The following FRG2C variants were observed in gnomAD, a reference collection of about 807,000 sequenced individuals.
The protein encoded by FRG2C is FSHD region gene 2 family member C, also known as protein FRG2-like-2.
A neutral mutation model predicts 14.1 loss-of-function variants in FRG2C; 8 were observed. The ratio of observed to expected loss-of-function variants is 0.57; its 90% CI spans 0.33 to 1.02. FRG2C has a LOEUF of 1.02. Among genes scored for constraint, FRG2C ranks in the 50% least tolerant of loss-of-function variants. The pLI, the probability that FRG2C is intolerant of heterozygous loss-of-function variation, is 0.03. For missense variants in FRG2C, 214 were observed against 334.2 expected (o/e 0.64, Z 2.80); for synonymous variants, 92 against 127.4 (o/e 0.72, Z 1.87).
In FRG2C at chr3:75,665,539, A is replaced by T; in HGVS notation, c.347A>T (p.Glu116Val). 4.3e-6 allele frequency: 7 copies of T among 1,613,784 alleles called. No individual in the cohort carries two copies. The highest frequency in any genetic ancestry group is 5.9e-6 in the Non-Finnish European group (7 of 1,179,740). ...ICQDRAGNCP[E>V]EECNLTLNKK... ...GCTTTCTTTGCAGGGAACTGTCCAG[A>T]AGAGGAGTGCAACTTGACGTTGAAT... Residue 116 changes from glutamate to valine, a missense_variant, in exon 4 of 4, where the codon GAA (glutamate) becomes GTA (valine). Around this residue, in one of 3 missense-constraint regions of FRG2C, gnomAD observed 136 missense variants for 148.1 expected, o/e 0.92. Transcript: ENST00000308062.
rs1293157166 is a variant in FRG2C at position 75,666,806 on chromosome 3, A to G, written c.*765A>G. ...ACATTTTTACAGTTTGCATAGTAAAATTACTATGCAAGCTGTTTACTTTTA... is the reference window on the plus strand; with the variant it reads ...ACATTTTTACAGTTTGCATAGTAAAGTTACTATGCAAGCTGTTTACTTTTA... On this transcript the variant is annotated 3_prime_UTR_variant, in exon 4 of 4. Transcript: ENST00000308062. 1 of 152,312 alleles carries G rather than the reference A, an allele frequency of 6.6e-6. No individual in the cohort carries two copies. Among genetic ancestry groups the G allele is most frequent in the Non-Finnish European group, 1.5e-5 (1 of 68,058 alleles). The allele number at this position is 152,312 out of a possible 1,614,324, so 9.4% of individuals were successfully genotyped here.
Position 75,665,150 on chromosome 3 carries a change from A to T in FRG2C, c.281A>T (p.Glu94Val). The part of the protein sequence containing the change: ...GSEPESSSYQ[E>V]NCRKRKISSK... ...GAACCAGAGTCCAGCTCATATCAGG[A>T]AAACTGCAGGAAAAGAAAAATCAGT... The change falls in exon 3 of 4, where the codon GAA becomes GTA. Residue 94 changes from glutamate to valine, a missense_variant. By Grantham distance (121) the Glu-to-Val change is moderately radical. This residue lies in a region of FRG2C where 136 missense variants were observed against 148.1 expected (regional missense o/e 0.92). Transcript: ENST00000308062. The T allele has an allele frequency of 1.2e-6, 2 of 1,614,090 alleles. No homozygotes were observed. Among genetic ancestry groups the T allele is most frequent in the Non-Finnish European group, 8.5e-7 (1 of 1,179,940 alleles).
Position 75,665,112 on chromosome 3 carries a change from C to G in FRG2C, c.257-14C>G, listed in dbSNP as rs76698561. 3.3e-6 allele frequency: 5 copies of G among 1,514,024 alleles called. No individual in the cohort carries two copies. The African/African-American group carries it at 6.4e-5, about 19-fold the overall frequency. The allele number at this position is 1,514,024 out of a possible 1,614,324, so 93.8% of individuals were successfully genotyped here. ...AGTTGGAGGCACTTTCTCAAACTCT[C>G]ATTGTGTTCACAGAACCAGAGTCCA... On this transcript the variant is annotated splice_polypyrimidine_tract_variant and intron_variant, in intron 2 of 3. Coordinates refer to ENST00000308062, the MANE Select transcript of FRG2C (RefSeq NM_001124759.5).
chr3:75,664,339 T>C lies in FRG2C; in HGVS notation c.-41T>C. On this transcript the variant is annotated 5_prime_UTR_variant, in exon 1 of 4. Coordinates refer to ENST00000308062, the MANE Select transcript of FRG2C (RefSeq NM_001124759.5). ...TAGCAGACTAACCCACACTCTGCCT[T>C]TGGACATGTGAGAGAGCGCACCTTT... 6.2e-7 allele frequency: 1 copy of C among 1,612,068 alleles called. No homozygotes were observed. Among genetic ancestry groups the C allele is most frequent in the Non-Finnish European group, 8.5e-7 (1 of 1,179,866 alleles).
chr3:75,664,976 G>A lies in FRG2C; in HGVS notation c.256+80G>A, dbSNP rs80018434. The A allele has an allele frequency of 3.1e-6, 5 of 1,612,482 alleles. No individual in the cohort carries two copies. In the African/African-American group the frequency reaches 6.7e-5, roughly 22 times the overall value. On this transcript the variant is annotated intron_variant, in intron 2 of 3. Transcript: ENST00000308062. The stretch of plus-strand genomic sequence containing the variant: ...CTGGCAAGGAAACTGGGAGCTCCTT[G>A]GCAGCCAGGGCAGTACAGATCCTGG...
Position 75,664,821 on chromosome 3 carries a change from G to C in FRG2C, c.181G>C (p.Gly61Arg). The change falls in exon 2 of 4, where the codon GGA becomes CGA. Residue 61 changes from glycine to arginine, a missense_variant and splice_region_variant. Physicochemically the swap from Gly to Arg is moderately radical, Grantham distance 125 (BLOSUM62 -2). Coordinates refer to ENST00000308062, the MANE Select transcript of FRG2C (RefSeq NM_001124759.5). Reference sequence around the variant, plus strand: ...GCCATCTAAACCTTCTCTTGCAGCAGGATCAGATCCCAATCCAAACAAGGA... The same window carrying C: ...GCCATCTAAACCTTCTCTTGCAGCACGATCAGATCCCAATCCAAACAAGGA... ...SSEKHTQRQA[G>R]SDPNPNKENS... 1.9e-6 allele frequency: 3 copies of C among 1,614,220 alleles called. No homozygotes were observed. The highest frequency in any genetic ancestry group is 2.2e-5 in the East Asian group (1 of 44,886).
At chr3:75,665,474 A>G in intron 3 of FRG2C, 53 bp from the exon 4 acceptor site, 2 of 1,575,264 alleles carry the variant, frequency 1.3e-6, no homozygotes, top group South Asian at 2.4e-5. Context: ...GGTTCTGGAA[A>G]TGAGGGTCTG....
Position 75,667,125 on chromosome 3 carries a change from C to T in FRG2C, c.*1084C>T, listed in dbSNP as rs1188081351. On this transcript the variant is annotated 3_prime_UTR_variant, in exon 4 of 4. Coordinates refer to ENST00000308062, the MANE Select transcript of FRG2C (RefSeq NM_001124759.5). ...ACTTGTTTGGTTGCTTTATAATTTT[C>T]ATTTTATGTAATAATGAAATAAACA... 2 of 152,286 alleles carry T rather than the reference C, an allele frequency of 1.3e-5. No individual in the cohort carries two copies. Among genetic ancestry groups the T allele is most frequent in the Non-Finnish European group, 2.9e-5 (2 of 68,038 alleles). 9.4% of individuals were successfully genotyped at this position (152,286 alleles called of 1,614,324 possible).
rs1937122788 is a variant in FRG2C at position 75,666,907 on chromosome 3, T to C, written c.*866T>C. 6.6e-6 allele frequency: 1 copy of C among 152,342 alleles called. No individual in the cohort carries two copies. The highest frequency in any genetic ancestry group is 6.5e-5 in the Admixed American group (1 of 15,294). The allele number at this position is 152,342 out of a possible 1,614,324, so 9.4% of individuals were successfully genotyped here. On this transcript the variant is annotated 3_prime_UTR_variant, in exon 4 of 4. Transcript: ENST00000308062. The stretch of plus-strand genomic sequence containing the variant: ...TACTTATTTATTCATCTGCCTCATG[T>C]TTTATTTCATTTTAAACATCCTGAA...
rs1312550327 is a variant in FRG2C, at chr3:75,667,104, G to A, written c.*1063G>A. On this transcript the variant is annotated 3_prime_UTR_variant, in exon 4 of 4. Transcript: ENST00000308062. ...CATTATCTAAGTGTATTAATGACTT[G>A]TTTGGTTGCTTTATAATTTTCATTT... 6.6e-6 allele frequency: 1 copy of A among 152,298 alleles called. No individual in the cohort carries two copies. Among genetic ancestry groups the A allele is most frequent in the Non-Finnish European group, 1.5e-5 (1 of 68,054 alleles). The allele number at this position is 152,298 out of a possible 1,614,324, so 9.4% of individuals were successfully genotyped here.
In FRG2C at chr3:75,665,854, A is replaced by C. The variant is rs1490846531; in HGVS notation, c.662A>C (p.Gln221Pro). ...CGGCTCCGGGGGCCTCTGTGTGCCCAGGTGCAGACCTTGTATTCCATGGCC... is the reference window on the plus strand; with the variant it reads ...CGGCTCCGGGGGCCTCTGTGTGCCCCGGTGCAGACCTTGTATTCCATGGCC... ...LTRLRGPLCAQVQTLYSMATQ... is the reference protein window; with the variant it reads ...LTRLRGPLCAPVQTLYSMATQ... Residue 221 changes from glutamine (Q) to proline (P), a missense_variant, in exon 4 of 4, where the codon CAG (glutamine) becomes CCG (proline). Gln to Pro is a moderately conservative substitution (Grantham distance 76). Around this residue, in one of 3 missense-constraint regions of FRG2C, gnomAD observed 55 missense variants for 118.9 expected, o/e 0.46. Coordinates refer to ENST00000308062, the MANE Select transcript of FRG2C (RefSeq NM_001124759.5). 1 of 1,613,982 alleles carries C rather than the reference A, an allele frequency of 6.2e-7. No homozygotes were observed. Among genetic ancestry groups the C allele is most frequent in the Non-Finnish European group, 8.5e-7 (1 of 1,179,900 alleles).
intron 1 of FRG2C, 78 bp downstream of exon 1, chr3:75,664,635 G>A (rs1937035163): frequency 6.2e-7 from 1 of 1,612,886 alleles, no homozygotes; most frequent in Non-Finnish European, 8.5e-7. Flanking sequence ...TCTTTAGCAG[G>A]GTTTTATTTT....
chr3:75,664,830 C>T lies in FRG2C; in HGVS notation c.190C>T (p.Pro64Ser), dbSNP rs1937042573. ...ACCTTCTCTTGCAGCAGGATCAGAT[C>T]CCAATCCAAACAAGGAGAATTCTGA... is the stretch of plus-strand genomic sequence containing the variant. ...KHTQRQAGSD[P>S]NPNKENSEET... Residue 64 changes from proline to serine, a missense_variant, in exon 2 of 4, where the codon CCC (proline) becomes TCC (serine). Coordinates refer to ENST00000308062, the MANE Select transcript of FRG2C (RefSeq NM_001124759.5). The T allele has an allele frequency of 6.2e-7, 1 of 1,614,218 alleles. No individual in the cohort carries two copies. Among genetic ancestry groups the T allele is most frequent in the Non-Finnish European group, 8.5e-7 (1 of 1,180,028 alleles).
chr3:75,665,438 A>C, intron 3 of FRG2C, 89 bp from the exon 4 acceptor site: 1 of 1,548,900 alleles, frequency 6.5e-7, no homozygotes. Context: ...GGGAGAGACA[A>C]ATGGGGTTCA....
At chr3:75,665,244 T>C in intron 3 of FRG2C, 41 bp downstream of exon 3, 1 of 1,581,816 alleles carries the variant, frequency 6.3e-7, no homozygotes, top group Admixed American at 1.7e-5. Flanking sequence ...GTGGTGGTGG[T>C]TTTTTTGTTT....
chr3:75,666,344 T>C lies in FRG2C; in HGVS notation c.*303T>C. On this transcript the variant is annotated 3_prime_UTR_variant, in exon 4 of 4. Transcript: ENST00000308062. ...AAATATTAGGTTGCAATCGTGAATT[T>C]TCATATTTTAGATTGTAGAAAAGTA... 1 of 554,700 alleles carries C rather than the reference T, an allele frequency of 1.8e-6. No individual in the cohort carries two copies. The highest frequency in any genetic ancestry group is 3.1e-6 in the Non-Finnish European group (1 of 321,226). The allele number at this position is 554,700 out of a possible 1,614,324, so 34.4% of individuals were successfully genotyped here. A position where few individuals can be genotyped will look rare whatever the true frequency, so the allele number is the denominator to read the frequency against.
chr3:75,664,706 C>G, intron 1 of FRG2C, 113 bp from the exon 2 acceptor site: 1 of 1,606,964 alleles, frequency 6.2e-7, no homozygotes, highest in Non-Finnish European at 8.5e-7. Context: ...TGTGTTCACT[C>G]ATGACACTGG....
intron 2 of FRG2C, 34 bp downstream of exon 2, chr3:75,664,930 A>G (rs1367374763): frequency 5.0e-6 from 8 of 1,614,018 alleles, no homozygotes; most frequent in Non-Finnish European, 6.8e-6. Flanking sequence ...GAGAAGGGAC[A>G]GGGCAGCAAC....
In FRG2C at chr3:75,666,435, A is replaced by T; in HGVS notation, c.*394A>T. On this transcript the variant is annotated 3_prime_UTR_variant, in exon 4 of 4. Coordinates refer to ENST00000308062, the MANE Select transcript of FRG2C (RefSeq NM_001124759.5). ...TGCTATGTCACTCAGGCTGGAGTGC[A>T]GTGGCACAATCTTAGCTCACTGCAA... is the stretch of plus-strand genomic sequence containing the variant. 2 of 375,308 alleles carry T rather than the reference A, an allele frequency of 5.3e-6. No homozygotes were observed. The highest frequency in any genetic ancestry group is 5.9e-5 in the South Asian group (2 of 33,890). 23.2% of individuals were successfully genotyped at this position (375,308 alleles called of 1,614,324 possible).
Sources: allele counts gnomAD v4.1 joint callset, GRCh38; gene constraint gnomAD v4.1.1; regional missense constraint gnomAD v4.1.1; transcripts MANE v1.5; gene names NCBI Gene and HGNC (gene_info 2026-07-23, HGNC 2026-07-21).